Variants in ASAP1 observed in about 807,000 individuals in gnomAD.
ASAP1 encodes arf-GAP with SH3 domain, ANK repeat and PH domain-containing protein 1.
In ASAP1, 43 loss-of-function variants were observed where a neutral mutation model predicts 145.2. The ratio of observed to expected loss-of-function variants is 0.30; its 90% CI spans 0.23 to 0.38. ASAP1 has a LOEUF of 0.38. Ranked by LOEUF, ASAP1 falls within the 10% of genes least tolerant of loss-of-function variation. ASAP1 has a pLI of 1.00. For missense variants in ASAP1, 1,018 were observed against 1,355.3 expected (o/e 0.75, Z 3.91); for synonymous variants, 546 against 515.5 (o/e 1.06, Z -0.80).
intron 27 of ASAP1, 24 bp downstream of exon 27, chr8:130,076,324 A>G (rs745445316): frequency 2.5e-6 from 4 of 1,584,326 alleles, no homozygotes; most frequent in South Asian, 2.3e-5. Context: ...AATTACATGT[A>G]AATGTAAAAA....
chr8:130,400,459 C>T (rs1444603635), intron 2 of ASAP1, among the ~76,000 whole-genome samples: 2 of 151,310 alleles, frequency 1.3e-5, no homozygotes, highest in African/African-American at 4.9e-5. Flanking sequence ...TAAATCATAT[C>T]TCTACCTCTC....
Position 130,072,822 on chromosome 8 carries a change from T to TGCGCGTGTGC in ASAP1, c.2701+3525_2701+3526insGCACACGCGC, listed in dbSNP as rs1268452732. On this transcript the variant is annotated intron_variant, in intron 27 of 29. Transcript: ENST00000518721. ...GTGTGTGTGTGTGTGTGTGTGTGTGTGTGCGCGCGGGGGGGGGCAGTTTTG... is the reference window on the plus strand; with the variant it reads ...GTGTGTGTGTGTGTGTGTGTGTGTGTGCGCGTGTGCGTGCGCGCGGGGGGGGGCAGTTTTG... Among the ~76,000 whole-genome samples the TGCGCGTGTGC allele has an allele frequency of 3.5e-4, 9 of 26,058 alleles. No individual in the cohort carries two copies. The South Asian group carries it at 6.1e-3, about 18-fold the overall frequency. The allele number at this position is 26,058 out of a possible 152,430, so 17.1% of individuals were successfully genotyped here.
At chr8:130,177,693 C>A (rs986143125) in intron 9 of ASAP1, among the ~76,000 whole-genome samples, 1 of 152,054 alleles carries the variant, frequency 6.6e-6, no homozygotes, top group African/African-American at 2.4e-5. Flanking sequence ...GTACAATTTA[C>A]TTTGAAAAAA....
chr8:130,147,198 CAAAAAAAAAAAAA>C (rs559149769), intron 13 of ASAP1, among the ~76,000 whole-genome samples: 2 of 63,340 alleles, frequency 3.2e-5, no homozygotes, highest in African/African-American at 1.3e-4. Context: ...AATGCAGTCT[CAAAAAAAAAAAAA>C]AAAAAAAAAA....
chr8:130,402,228 C>T (rs929710591), intron 1 of ASAP1, among the ~76,000 whole-genome samples: 12 of 152,148 alleles, frequency 7.9e-5, no homozygotes, highest in African/African-American at 1.7e-4. Flanking sequence ...TCTAGCTCTA[C>T]GTTGGAGAGC....
intron 3 of ASAP1, among the ~76,000 whole-genome samples, chr8:130,345,835 C>T (rs1048357693): frequency 2.6e-5 from 4 of 152,160 alleles, no homozygotes; most frequent in Admixed American, 6.5e-5. Context: ...AAAGTGACAG[C>T]CAACTCTGTG....
chr8:130,065,242 G>A (rs75911352), intron 27 of ASAP1, among the ~76,000 whole-genome samples: 2,937 of 152,244 alleles, frequency 0.019, 96 homozygotes, highest in African/African-American at 0.066. Flanking sequence ...CACACAGGGC[G>A]GGGTCTGGAA....
intron 1 of ASAP1, among the ~76,000 whole-genome samples, chr8:130,429,561 C>T (rs1373299081): frequency 1.3e-5 from 2 of 152,208 alleles, no homozygotes; most frequent in African/African-American, 2.4e-5. Context: ...CAAACTCTTA[C>T]CAGCCATCCA....
At chr8:130,391,030 C>CTTCT (rs1194542080) in intron 2 of ASAP1, among the ~76,000 whole-genome samples, 1 of 149,216 alleles carries the variant, frequency 6.7e-6, no homozygotes. Flanking sequence ...TAGAAGCAAA[C>CTTCT]ACGTATTCAT....
chr8:130,282,545 G>T (rs1446226590), intron 3 of ASAP1, among the ~76,000 whole-genome samples: 1 of 152,200 alleles, frequency 6.6e-6, no homozygotes, highest in African/African-American at 2.4e-5. Flanking sequence ...ATGTGTGAAT[G>T]TAACTGCAAG....
At chr8:130,233,504 A>G (rs1226998239) in intron 4 of ASAP1, among the ~76,000 whole-genome samples, 8 of 152,210 alleles carry the variant, frequency 5.3e-5, no homozygotes, top group Non-Finnish European at 7.4e-5. Context: ...CATCATCTAT[A>G]AAATGAGAAC....
Position 130,072,824 on chromosome 8 carries a change from T to TGTGTGCGCGC in ASAP1, c.2701+3523_2701+3524insGCGCGCACAC. 2.8e-4 allele frequency among the ~76,000 whole-genome samples: 9 copies of TGTGTGCGCGC among 32,296 alleles called. 2 individuals carry two copies. The South Asian group carries it at 6.8e-3, about 24-fold the overall frequency. 21.2% of individuals were successfully genotyped at this position (32,296 alleles called of 152,430 possible). A position where few individuals can be genotyped will look rare whatever the true frequency, so the allele number is the denominator to read the frequency against. On this transcript the variant is annotated intron_variant, in intron 27 of 29. Transcript: ENST00000518721. ...GTGTGTGTGTGTGTGTGTGTGTGTGTGCGCGCGGGGGGGGGCAGTTTTGGG... is the reference window on the plus strand; with the variant it reads ...GTGTGTGTGTGTGTGTGTGTGTGTGTGTGTGCGCGCGCGCGCGGGGGGGGGCAGTTTTGGG...
chr8:130,079,060 T>C (rs1204158361), intron 26 of ASAP1, among the ~76,000 whole-genome samples: 1 of 152,020 alleles, frequency 6.6e-6, no homozygotes, highest in Non-Finnish European at 1.5e-5. Context: ...CTGAGTACAG[T>C]GATGCATGCC....
At chr8:130,353,440 T>A (rs986048814) in intron 3 of ASAP1, among the ~76,000 whole-genome samples, 1 of 152,228 alleles carries the variant, frequency 6.6e-6, no homozygotes, top group African/African-American at 2.4e-5. Context: ...TCCAAGGAAC[T>A]TAGGCACCTT....
intron 11 of ASAP1, 85 bp from the exon 12 acceptor site, chr8:130,160,049 C>A: frequency 1.7e-6 from 2 of 1,154,720 alleles, no homozygotes; most frequent in Non-Finnish European, 2.6e-6. Flanking sequence ...GCCTTTGGCA[C>A]TGGTCTGGGT....
chr8:130,218,362 T>C (rs965183987), intron 4 of ASAP1, among the ~76,000 whole-genome samples: 1 of 152,182 alleles, frequency 6.6e-6, no homozygotes, highest in African/African-American at 2.4e-5. Flanking sequence ...ATATAATTAG[T>C]TAATCGAATA....
At chr8:130,379,369 T>C (rs1444307266) in intron 2 of ASAP1, among the ~76,000 whole-genome samples, 1 of 152,184 alleles carries the variant, frequency 6.6e-6, no homozygotes, top group African/African-American at 2.4e-5. Context: ...CAGGGTGGTA[T>C]GGCTGTAGAT....
At chr8:130,077,187 C>T (rs1052599258) in intron 26 of ASAP1, among the ~76,000 whole-genome samples, 1 of 152,238 alleles carries the variant, frequency 6.6e-6, no homozygotes, top group Admixed American at 6.5e-5. Context: ...GAGCTTGGTT[C>T]TCGGGCCTCC....
intron 3 of ASAP1, among the ~76,000 whole-genome samples, chr8:130,245,320 T>C (rs898519185): frequency 6.6e-6 from 1 of 152,178 alleles, no homozygotes; most frequent in African/African-American, 2.4e-5. Flanking sequence ...CCTGTGCTTA[T>C]AAAGATTTCT....
Sources: allele counts gnomAD v4.1 joint callset (sites outside exome capture counted in the v4.1 genomes callset), GRCh38; gene constraint gnomAD v4.1.1; transcripts MANE v1.5; gene names NCBI Gene and HGNC (gene_info 2026-07-23, HGNC 2026-07-21).